The following SORCS2 variants were observed in gnomAD, a reference collection of about 807,000 sequenced individuals.
SORCS2 encodes sortilin related VPS10 domain containing receptor 2.
Under a neutral mutation model 141.6 loss-of-function variants are expected in SORCS2, and 100 were observed. The observed-to-expected ratio is 0.71, with a 90% confidence interval of 0.60 to 0.83. SORCS2 has a LOEUF of 0.83. Among genes scored for constraint, SORCS2 ranks in the 40% least tolerant of loss-of-function variants. SORCS2 has a pLI of 0.00. For synonymous variants in SORCS2, 789 were observed against 676.9 expected, an observed-to-expected ratio of 1.17 and a Z score of -2.57; for missense variants, 1,646 against 1,560.2, an observed-to-expected ratio of 1.05 and a Z score of -0.93.
chr4:7,688,956 C>T (rs904756989), intron 10 of SORCS2, among the ~76,000 whole-genome samples: 1 of 152,200 alleles, frequency 6.6e-6, no homozygotes, highest in African/African-American at 2.4e-5. Flanking sequence ...ACGGGGTGAC[C>T]CCAGCTGTCC....
chr4:7,373,220 T>C (rs1404961249), intron 1 of SORCS2, among the ~76,000 whole-genome samples: 1 of 151,622 alleles, frequency 6.6e-6, no homozygotes, highest in Non-Finnish European at 1.5e-5. Flanking sequence ...AGAGTTCTGG[T>C]TGCTCCACGT....
intron 2 of SORCS2, among the ~76,000 whole-genome samples, chr4:7,453,574 G>T: frequency 6.9e-6 from 1 of 144,064 alleles, no homozygotes; most frequent in Admixed American, 6.9e-5. Context: ...CAGCTGCTGT[G>T]TTGGGGTCAG....
At chr4:7,261,308 C>T (rs920955881) in intron 1 of SORCS2, among the ~76,000 whole-genome samples, 1 of 152,338 alleles carries the variant, frequency 6.6e-6, no homozygotes, top group African/African-American at 2.4e-5. Flanking sequence ...AGACGGGTCT[C>T]CCAGAGCAGC....
At chr4:7,671,508 A>C (rs1485559098) in intron 8 of SORCS2, among the ~76,000 whole-genome samples, 1 of 152,186 alleles carries the variant, frequency 6.6e-6, no homozygotes, top group African/African-American at 2.4e-5. Flanking sequence ...AGCAATAAAG[A>C]GATAGAAAAA....
intron 3 of SORCS2, among the ~76,000 whole-genome samples, chr4:7,635,891 C>G (rs970766355): frequency 6.6e-6 from 1 of 152,180 alleles, no homozygotes. Flanking sequence ...GATTAATGAC[C>G]GTAGCTGGGA....
chr4:7,258,654 A>C (rs1243000911), intron 1 of SORCS2, among the ~76,000 whole-genome samples: 1 of 152,226 alleles, frequency 6.6e-6, no homozygotes, highest in Admixed American at 6.5e-5. Flanking sequence ...TCCTTTGGGT[A>C]TATACCCAGT....
chr4:7,486,802 G>A (rs538518020), intron 2 of SORCS2, among the ~76,000 whole-genome samples: 8 of 152,130 alleles, frequency 5.3e-5, no homozygotes, highest in Non-Finnish European at 8.8e-5. Flanking sequence ...GGATCATCTC[G>A]TCTGTCTCTC....
intron 18 of SORCS2, among the ~76,000 whole-genome samples, chr4:7,718,810 A>G (rs1560109177): frequency 6.6e-6 from 1 of 152,244 alleles, no homozygotes; most frequent in Admixed American, 6.5e-5. Flanking sequence ...CAAAATATCA[A>G]GAGTATAAAT....
At chr4:7,695,143 G>A (rs1724513959) in intron 11 of SORCS2, among the ~76,000 whole-genome samples, 1 of 151,146 alleles carries the variant, frequency 6.6e-6, no homozygotes, top group Non-Finnish European at 1.5e-5. Context: ...GAGAGTGAGT[G>A]GTGGAACTCA....
intron 1 of SORCS2, among the ~76,000 whole-genome samples, chr4:7,302,767 A>G (rs60574579): frequency 0.042 from 4,232 of 101,678 alleles, 177 homozygotes; most frequent in African/African-American, 0.11. Context: ...GACAGTCCAC[A>G]TATGTGTGTG....
intron 5 of SORCS2, among the ~76,000 whole-genome samples, chr4:7,654,593 C>G (rs1282696696): frequency 2.6e-5 from 4 of 152,192 alleles, no homozygotes; most frequent in African/African-American, 7.2e-5. Flanking sequence ...ACCCGGCCCA[C>G]CACTCCGCAC....
intron 3 of SORCS2, among the ~76,000 whole-genome samples, chr4:7,588,315 A>G (rs539634887): frequency 6.6e-6 from 1 of 152,166 alleles, no homozygotes; most frequent in Non-Finnish European, 1.5e-5. Flanking sequence ...TGGAACTTTC[A>G]TGCGGTTGTT....
chr4:7,681,736 C>T (rs112268627), intron 9 of SORCS2, among the ~76,000 whole-genome samples: 2,131 of 152,318 alleles, frequency 0.014, 47 homozygotes, highest in African/African-American at 0.045. Context: ...TGTGAGAATT[C>T]AGTGAGAGGA....
chr4:7,436,845 C>T (rs182675878), intron 2 of SORCS2, among the ~76,000 whole-genome samples: 19 of 152,306 alleles, frequency 1.2e-4, no homozygotes, highest in Middle Eastern at 6.8e-3. Context: ...TGGATGCACA[C>T]GTGTCTTCCC....
intron 1 of SORCS2, among the ~76,000 whole-genome samples, chr4:7,269,261 A>C (rs1178418415): frequency 6.6e-6 from 1 of 152,190 alleles, no homozygotes; most frequent in African/African-American, 2.4e-5. Context: ...TGGAACAGCA[A>C]AGGTCCTGAG....
intron 1 of SORCS2, among the ~76,000 whole-genome samples, chr4:7,211,125 C>A (rs1728035058): frequency 1.3e-5 from 2 of 151,470 alleles, no homozygotes; most frequent in Non-Finnish European, 2.9e-5. Context: ...ACTTTGAGTT[C>A]TCATTCTACT....
chr4:7,216,790 A>G (rs763208968), intron 1 of SORCS2, among the ~76,000 whole-genome samples: 6 of 152,120 alleles, frequency 3.9e-5, no homozygotes, highest in Non-Finnish European at 7.4e-5. Context: ...GAACCCATGC[A>G]CAGGTTCTGG....
intron 3 of SORCS2, among the ~76,000 whole-genome samples, chr4:7,631,428 C>T (rs976774890): frequency 2.6e-5 from 4 of 152,068 alleles, no homozygotes; most frequent in Non-Finnish European, 4.4e-5. Context: ...CAGCATCTCC[C>T]GGTGTCTGCC....
chr4:7,544,055 C>CCCACCCATCCAT (rs560462808), intron 3 of SORCS2, among the ~76,000 whole-genome samples: 9 of 139,754 alleles, frequency 6.4e-5, no homozygotes, highest in South Asian at 2.4e-4. Context: ...CATCCAGCCA[C>CCCACCCATCCAT]CCACCCATCC....
Sources: allele counts gnomAD v4.1 joint callset (sites outside exome capture counted in the v4.1 genomes callset), GRCh38; gene constraint gnomAD v4.1.1; transcripts MANE v1.5; gene names NCBI Gene and HGNC (gene_info 2026-07-23, HGNC 2026-07-21).